DPP6: variants seen among roughly 807,000 people sequenced by gnomAD.
DPP6 encodes the protein dipeptidyl peptidase like 6, also known as A-type potassium channel modulatory protein DPP6.
A neutral mutation model predicts 122.6 loss-of-function variants in DPP6; 69 were observed. The observed-to-expected ratio is 0.56, with a 90% CI of 0.46 to 0.69. The LOEUF is 0.69. Among genes scored for constraint, DPP6 ranks in the 30% least tolerant of loss-of-function variants. The pLI is 0.00. For synonymous variants in DPP6, 418 were observed against 433.1 expected (o/e 0.97, Z 0.43); for missense variants, 928 against 1,116.9 (o/e 0.83, Z 2.41).
chr7:154,643,346 A>G (rs2130950240), intron 6 of DPP6, among the ~76,000 whole-genome samples: 1 of 152,304 alleles, frequency 6.6e-6, no homozygotes, highest in East Asian at 1.9e-4. Context: ...ATACTTATTG[A>G]AATACTGTCT....
chr7:153,892,008 T>C (rs1799224559), intron 1 of DPP6, among the ~76,000 whole-genome samples: 1 of 152,128 alleles, frequency 6.6e-6, no homozygotes, highest in African/African-American at 2.4e-5. Context: ...AAAGCTGGAG[T>C]TCTTCCTTGT....
At chr7:153,894,421 A>ACAGG (rs1410481608) in intron 1 of DPP6, among the ~76,000 whole-genome samples, 1 of 152,180 alleles carries the variant, frequency 6.6e-6, no homozygotes, top group African/African-American at 2.4e-5. Context: ...CTCAGAACAG[A>ACAGG]CAGGCAGGCA....
chr7:153,759,230 T>C, the DPP6 span, among the ~76,000 whole-genome samples: 2 of 152,108 alleles, frequency 1.3e-5, no homozygotes, highest in Non-Finnish European at 2.9e-5. Flanking sequence ...ACTTGGTTTC[T>C]ACTGAGTTGA....
intron 16 of DPP6, among the ~76,000 whole-genome samples, chr7:154,831,274 G>A (rs182898661): frequency 5.7e-4 from 87 of 152,316 alleles, no homozygotes; most frequent in African/African-American, 1.5e-3. Context: ...CATGAGGCTC[G>A]GAGTGGCTTT....
chr7:154,366,581 C>T (rs1812210943), intron 1 of DPP6, among the ~76,000 whole-genome samples: 1 of 152,326 alleles, frequency 6.6e-6, no homozygotes, highest in Non-Finnish European at 1.5e-5. Context: ...AGGATTCCTG[C>T]TCTTAGATTT....
intron 16 of DPP6, among the ~76,000 whole-genome samples, chr7:154,826,799 C>G (rs1052203625): frequency 1.3e-5 from 2 of 152,186 alleles, no homozygotes; most frequent in African/African-American, 4.8e-5. Flanking sequence ...TTAAAATAGT[C>G]ACATGCAGAG....
intron 16 of DPP6, among the ~76,000 whole-genome samples, chr7:154,841,038 T>C (rs1366907019): frequency 6.6e-6 from 1 of 152,216 alleles, no homozygotes; most frequent in Non-Finnish European, 1.5e-5. Flanking sequence ...AAGACATAAC[T>C]AGATCACTAG....
At chr7:153,911,760 T>A (rs1378930337) in intron 1 of DPP6, among the ~76,000 whole-genome samples, 1 of 152,230 alleles carries the variant, frequency 6.6e-6, no homozygotes, top group Non-Finnish European at 1.5e-5. Flanking sequence ...GAGATACATA[T>A]AGTGTTATAT....
At chr7:154,296,666 G>C (rs1286472163) in intron 1 of DPP6, among the ~76,000 whole-genome samples, 1 of 152,212 alleles carries the variant, frequency 6.6e-6, no homozygotes, top group Non-Finnish European at 1.5e-5. Flanking sequence ...GCCTTCCCAT[G>C]TGACGTATAC....
At chr7:153,880,647 G>C in the DPP6 span, among the ~76,000 whole-genome samples, 3 of 152,176 alleles carry the variant, frequency 2.0e-5, no homozygotes, top group Non-Finnish European at 4.4e-5. Context: ...CCTCCTCTTG[G>C]AAATTCGGTC....
intron 1 of DPP6, among the ~76,000 whole-genome samples, chr7:153,931,375 G>A (rs1286933855): frequency 6.6e-6 from 1 of 152,168 alleles, no homozygotes; most frequent in Non-Finnish European, 1.5e-5. Context: ...CCAAGAGACA[G>A]TCTTAGCACT....
intron 1 of DPP6, among the ~76,000 whole-genome samples, chr7:153,974,347 A>T (rs1326102994): frequency 2.0e-5 from 3 of 152,174 alleles, no homozygotes; most frequent in African/African-American, 7.2e-5. Flanking sequence ...AATTGTGACC[A>T]TGGAGCTTCG....
intron 5 of DPP6, among the ~76,000 whole-genome samples, chr7:154,623,649 A>ACG (rs1554413298): frequency 1.6e-3 from 71 of 45,228 alleles, no homozygotes; most frequent in Non-Finnish European, 2.5e-3. Flanking sequence ...ACACGCGCAC[A>ACG]CACGCGCACA....
At chr7:154,133,512 G>A (rs1795392495) in intron 1 of DPP6, among the ~76,000 whole-genome samples, 1 of 152,168 alleles carries the variant, frequency 6.6e-6, no homozygotes, top group South Asian at 2.1e-4. Flanking sequence ...TTTGAAAGTG[G>A]ACACAGGATG....
At chr7:154,783,448 T>A (rs1797149632) in intron 10 of DPP6, among the ~76,000 whole-genome samples, 1 of 152,134 alleles carries the variant, frequency 6.6e-6, no homozygotes, top group Admixed American at 6.5e-5. Context: ...CCAACAGGTT[T>A]ACAGGGAGCA....
the DPP6 span, among the ~76,000 whole-genome samples, chr7:153,847,311 C>A: frequency 6.6e-6 from 1 of 152,150 alleles, no homozygotes; most frequent in Non-Finnish European, 1.5e-5. Flanking sequence ...TCACTTATGG[C>A]TATTTTCCCT....
chr7:153,795,511 T>G, the DPP6 span, among the ~76,000 whole-genome samples: 1 of 152,178 alleles, frequency 6.6e-6, no homozygotes, highest in Non-Finnish European at 1.5e-5. Context: ...TTAGTTTGGT[T>G]AGAACTTTAT....
chr7:153,904,119 TTGACTCAC>T (rs1475000736), intron 1 of DPP6, among the ~76,000 whole-genome samples: 1 of 152,182 alleles, frequency 6.6e-6, no homozygotes, highest in Non-Finnish European at 1.5e-5. Flanking sequence ...TGGCATGATC[TTGACTCAC>T]TGCAGCTTCC....
intron 1 of DPP6, among the ~76,000 whole-genome samples, chr7:154,128,115 T>G (rs375643492): frequency 3.4e-4 from 51 of 150,494 alleles, no homozygotes; most frequent in African/African-American, 1.2e-3. Flanking sequence ...CAGGCACAGC[T>G]GGCCTCTCTG....
Sources: gnomAD v4.1 joint callset for allele counts (sites outside exome capture counted in the v4.1 genomes callset) on GRCh38, gnomAD v4.1.1 for gene constraint, MANE v1.5 for transcripts, NCBI Gene and HGNC (gene_info 2026-07-23, HGNC 2026-07-21) for gene names.